Variants in PADI3 observed in about 807,000 individuals in gnomAD.
PADI3 encodes the protein protein-arginine deiminase type-3.
A neutral mutation model predicts 71.5 loss-of-function variants in PADI3; 53 were observed. The ratio of observed to expected loss-of-function variants is 0.74; its 90% CI spans 0.59 to 0.93. The LOEUF (loss-of-function observed/expected upper bound fraction) is 0.93, where lower values mean the gene tolerates loss of function less well. Among genes scored for constraint, PADI3 ranks in the 40% least tolerant of loss-of-function variants. The pLI, the probability that PADI3 is intolerant of heterozygous loss-of-function variation, is 0.00. For missense variants in PADI3, 821 were observed against 868.0 expected (o/e 0.95, Z 0.68); for synonymous variants, 361 against 347.5 (o/e 1.04, Z -0.43).
chr1:17,268,498 C>CTTTTTTTT lies in PADI3; in HGVS notation c.652+556_652+563dup, dbSNP rs564947321. On this transcript the variant is annotated intron_variant, in intron 6 of 15. Coordinates refer to ENST00000375460, the MANE Select transcript of PADI3 (RefSeq NM_016233.2). The stretch of plus-strand genomic sequence containing the variant: ...AAAAATGTATACAAGTAATAAGATG[C>CTTTTTTTT]TTTTTTTTTTTTTTTTTTTTTTTTT... Among the ~76,000 whole-genome samples the CTTTTTTTT allele has an allele frequency of 4.9e-4, 44 of 89,444 alleles. 4 individuals are homozygous for CTTTTTTTT. Among genetic ancestry groups the CTTTTTTTT allele is most frequent in the African/African-American group, 1.9e-3 (40 of 21,216 alleles). The allele number at this position is 89,444 out of a possible 152,430, so 58.7% of individuals were successfully genotyped here.
At chr1:17,273,672 C>T (rs2073287317) in intron 10 of PADI3, among the ~76,000 whole-genome samples, 5 of 152,172 alleles carry the variant, frequency 3.3e-5, no homozygotes, top group Admixed American at 3.3e-4. Flanking sequence ...ATGGGATATA[C>T]TTACACTAAA....
At chr1:17,277,710 C>G (rs1370066625) in intron 13 of PADI3, among the ~76,000 whole-genome samples, 2 of 152,256 alleles carry the variant, frequency 1.3e-5, no homozygotes, top group Non-Finnish European at 2.9e-5. Context: ...CTGCCCCCAG[C>G]AGGAGCCTGG....
At chr1:17,263,973 A>T (rs867373902) in intron 3 of PADI3, among the ~76,000 whole-genome samples, 4 of 152,224 alleles carry the variant, frequency 2.6e-5, no homozygotes, top group African/African-American at 9.6e-5. Context: ...TTAGCAAAGA[A>T]GTTGAAAATG....
intron 13 of PADI3, chr1:17,278,109 G>A (rs1027361612): frequency 6.6e-6 from 1 of 152,396 alleles, no homozygotes. Flanking sequence ...AAAGCGCAAT[G>A]TGAAATAGCA....
At chr1:17,254,780 C>G (rs1360902420) in intron 1 of PADI3, among the ~76,000 whole-genome samples, 1 of 144,578 alleles carries the variant, frequency 6.9e-6, no homozygotes, top group African/African-American at 2.6e-5. Context: ...TGCAATGGGG[C>G]TATCTTGGCT....
At chr1:17,280,551 A>G (rs1205659588) in intron 14 of PADI3, 120 bp from the exon 15 acceptor site, 1 of 1,526,330 alleles carries the variant, frequency 6.6e-7, no homozygotes, top group African/African-American at 1.4e-5. Context: ...ACAGGCCCAG[A>G]CAGAGGGGTC....
intron 9 of PADI3, among the ~76,000 whole-genome samples, chr1:17,272,134 T>A (rs1346584808): frequency 1.3e-5 from 2 of 152,194 alleles, no homozygotes; most frequent in South Asian, 4.1e-4. Context: ...GGAGCATGAC[T>A]GGGCCACAGA....
intron 1 of PADI3, among the ~76,000 whole-genome samples, chr1:17,252,367 G>C (rs2072976147): frequency 6.6e-6 from 1 of 151,004 alleles, no homozygotes; most frequent in Non-Finnish European, 1.5e-5. Context: ...ACAAAGTCTT[G>C]GTGCAGGAAG....
chr1:17,283,166 C>T lies in PADI3; in HGVS notation c.*87C>T. The T allele has an allele frequency of 1.1e-6, 1 of 952,200 alleles. No individual in the cohort carries two copies. The highest frequency in any genetic ancestry group is 1.6e-6 in the Non-Finnish European group (1 of 613,888). The allele number at this position is 952,200 out of a possible 1,614,324, so 59.0% of individuals were successfully genotyped here. On this transcript the variant is annotated 3_prime_UTR_variant, in exon 16 of 16. Transcript: ENST00000375460. The stretch of plus-strand genomic sequence containing the variant: ...GAGACAGGCCCCTGAACGATAAGCA[C>T]CAAGAGACCCCAAGGCTCCAGATGG...
At chr1:17,266,683 G>A (rs1255466819) in intron 4 of PADI3, 36 bp from the exon 5 acceptor site, 5 of 1,564,030 alleles carry the variant, frequency 3.2e-6, no homozygotes, top group Non-Finnish European at 3.5e-6. Context: ...GGTCTCATCT[G>A]AGCCCTCATC....
intron 1 of PADI3, among the ~76,000 whole-genome samples, chr1:17,255,855 C>T (rs1214794259): frequency 2.0e-5 from 3 of 152,132 alleles, no homozygotes; most frequent in African/African-American, 4.8e-5. Context: ...GGCAGTCACT[C>T]GCTCAAAGTC....
At position 17,262,139 on chromosome 1, in the gene PADI3, A is replaced by G. The variant is rs755020347; in HGVS notation, c.280A>G (p.Ile94Val). 1.2e-5 allele frequency: 20 copies of G among 1,613,022 alleles called. No individual in the cohort carries two copies. Among genetic ancestry groups the G allele is most frequent in the African/African-American group, 2.7e-5 (2 of 74,674 alleles). The change falls in exon 3 of 16, where the codon ATT becomes GTT. Residue 94 changes from isoleucine to valine, a missense_variant. Ile to Val is a conservative substitution (Grantham distance 29). Transcript: ENST00000375460. ...SNDLNDSHVQISYHSSHEPLP... is the reference protein window; with the variant it reads ...SNDLNDSHVQVSYHSSHEPLP... ...TGCGCCCAACTCTCCACAGGTTCAGATTTCCTACCACTCCAGCCATGAGCC... is the reference window on the plus strand; with the variant it reads ...TGCGCCCAACTCTCCACAGGTTCAGGTTTCCTACCACTCCAGCCATGAGCC...
chr1:17,252,871 G>A (rs1255789432), intron 1 of PADI3, among the ~76,000 whole-genome samples: 1 of 152,196 alleles, frequency 6.6e-6, no homozygotes, highest in East Asian at 1.9e-4. Context: ...TTGGGTTGTG[G>A]CTGCTCATGT....
Position 17,283,071 on chromosome 1 carries a change from G to A in PADI3, c.1987G>A (p.Val663Met). 6.2e-7 allele frequency: 1 copy of A among 1,613,666 alleles called. No homozygotes were observed. The highest frequency in any genetic ancestry group is 8.5e-7 in the Non-Finnish European group (1 of 1,179,628). Reference sequence around the variant, plus strand: ...CTTCTCTTTCAAGTGGTGGAACATGGTGCCCTGAGACAGCTCCCACCCACC... The same window carrying A: ...CTTCTCTTTCAAGTGGTGGAACATGATGCCCTGAGACAGCTCCCACCCACC... The part of the protein sequence containing the change: ...KPFSFKWWNM[V>M]P The change falls in exon 16 of 16, where the codon GTG (valine) becomes ATG (methionine). Residue 663 changes from valine (V) to methionine (M), a missense_variant. Physicochemically the swap from Val to Met is conservative, Grantham distance 21 (BLOSUM62 1). Transcript: ENST00000375460.
rs1177674966 is a variant in PADI3, at chr1:17,270,796, G to C, written c.832-83G>C. The C allele has an allele frequency of 4.1e-6, 4 of 982,278 alleles. No individual in the cohort carries two copies. In the African/African-American group the frequency reaches 6.5e-5, roughly 16 times the overall value. The allele number at this position is 982,278 out of a possible 1,614,324, so 60.8% of individuals were successfully genotyped here. A position where few individuals can be genotyped will look rare whatever the true frequency, so the allele number is the denominator to read the frequency against. On this transcript the variant is annotated intron_variant, in intron 7 of 15. Transcript: ENST00000375460. Reference sequence around the variant, plus strand: ...GCAGAGAAGCAAGGGGTTTTCTTATGGACCACAGTGGTGGAATCAGAGTCC... The same window carrying C: ...GCAGAGAAGCAAGGGGTTTTCTTATCGACCACAGTGGTGGAATCAGAGTCC...
At position 17,281,687 on chromosome 1, in the gene PADI3, C is replaced by T. The variant is rs374217279; in HGVS notation, c.1761+891C>T. On this transcript the variant is annotated intron_variant, in intron 15 of 15. Transcript: ENST00000375460. ...AGGCTGGTCTTGAGCTCCTGACCTC[C>T]GGTGATCCACCAGCCTCGGCCTCCC... Among the ~76,000 whole-genome samples, 179 of 152,256 alleles carry T rather than the reference C, an allele frequency of 1.2e-3. 1 individual carries two copies. The highest frequency in any genetic ancestry group is 4.1e-3 in the African/African-American group (172 of 41,560).
chr1:17,274,816 G>C, intron 11 of PADI3, 30 bp downstream of exon 11: 1 of 1,607,110 alleles, frequency 6.2e-7, no homozygotes, highest in Non-Finnish European at 8.5e-7. Context: ...TGGAGTTCCT[G>C]GGGTGGAGGC....
intron 9 of PADI3, 93 bp downstream of exon 9, chr1:17,271,271 C>G: frequency 9.4e-7 from 1 of 1,067,576 alleles, no homozygotes; most frequent in Non-Finnish European, 1.4e-6. Context: ...CCAGGAGGAC[C>G]TGGGTGCTCC....
At chr1:17,275,505 G>T (rs2073317735) in intron 11 of PADI3, among the ~76,000 whole-genome samples, 3 of 150,092 alleles carry the variant, frequency 2.0e-5, no homozygotes, top group Non-Finnish European at 4.4e-5. Flanking sequence ...GGGAGAAAAT[G>T]CATTTAGGTC....
Sources: gnomAD v4.1 joint callset for allele counts (sites outside exome capture counted in the v4.1 genomes callset) on GRCh38, gnomAD v4.1.1 for gene constraint, MANE v1.5 for transcripts, NCBI Gene and HGNC (gene_info 2026-07-23, HGNC 2026-07-21) for gene names.